DCHS2: variants seen among roughly 807,000 people sequenced by gnomAD.
DCHS2 encodes the protein dachsous cadherin-related 2, also known as protocadherin-23.
In DCHS2, 142 loss-of-function variants were observed where a neutral mutation model predicts 182.4. That is an observed-to-expected ratio of 0.78 (90% CI 0.68 to 0.89). The LOEUF (loss-of-function observed/expected upper bound fraction) is 0.89, where lower values mean the gene tolerates loss of function less well. Among genes scored for constraint, DCHS2 ranks in the 40% least tolerant of loss-of-function variants. The pLI, the probability that DCHS2 is intolerant of heterozygous loss-of-function variation, is 0.00. For synonymous variants in DCHS2, 1,740 were observed against 1,663.3 expected (o/e 1.05, Z -1.12); for missense variants, 4,319 against 4,198.6 (o/e 1.03, Z -0.79).
chr4:154,289,690 C>G (rs1734562051), intron 13 of DCHS2, among the ~76,000 whole-genome samples: 1 of 152,028 alleles, frequency 6.6e-6, no homozygotes, highest in South Asian at 2.1e-4. Flanking sequence ...AAATCCTCAA[C>G]AAAATACTAG....
Position 154,234,268 on chromosome 4 carries a change from A to AGAC in DCHS2, c.*265_*267dup. ...GTGTCCTTTGGAAGTCTAATCATAC[A>AGAC]GACAACAGGTCTGACAGAATATACA... On this transcript the variant is annotated 3_prime_UTR_variant, in exon 20 of 20. Coordinates refer to ENST00000357232, the MANE Select transcript of DCHS2 (RefSeq NM_001358235.2). The AGAC allele has an allele frequency of 3.1e-6, 1 of 320,594 alleles. No homozygotes were observed. Among genetic ancestry groups the AGAC allele is most frequent in the Middle Eastern group, 9.0e-4 (1 of 1,110 alleles). The allele number at this position is 320,594 out of a possible 1,614,324, so 19.9% of individuals were successfully genotyped here.
intron 13 of DCHS2, among the ~76,000 whole-genome samples, chr4:154,280,924 T>C (rs1200576728): frequency 6.6e-6 from 1 of 151,886 alleles, no homozygotes; most frequent in East Asian, 1.9e-4. Context: ...GCCTCCAAGG[T>C]TGAAGTGATT....
intron 3 of DCHS2, chr4:154,343,613 T>A: frequency 6.6e-7 from 1 of 1,513,052 alleles, no homozygotes. Flanking sequence ...CTTCAAATTT[T>A]TTTTCTGCAG....
At chr4:154,238,745 T>C (rs1024910687) in intron 19 of DCHS2, among the ~76,000 whole-genome samples, 2 of 152,086 alleles carry the variant, frequency 1.3e-5, no homozygotes, top group African/African-American at 4.8e-5. Flanking sequence ...CTATTACTGA[T>C]TTTTTTTAAC....
intron 12 of DCHS2, among the ~76,000 whole-genome samples, chr4:154,303,484 C>G (rs928214207): frequency 3.6e-5 from 3 of 84,414 alleles, no homozygotes; most frequent in Non-Finnish European, 7.3e-5. Context: ...GTAAGTGAAG[C>G]AAAAAAAAAA....
chr4:154,429,927 T>A (rs536321913), intron 1 of DCHS2, among the ~76,000 whole-genome samples: 3 of 152,218 alleles, frequency 2.0e-5, no homozygotes. Context: ...CTGCAAAATA[T>A]GGGTCATAAC....
At chr4:154,364,329 G>T (rs1044551068) in intron 3 of DCHS2, among the ~76,000 whole-genome samples, 6 of 152,196 alleles carry the variant, frequency 3.9e-5, no homozygotes, top group Non-Finnish European at 8.8e-5. Context: ...TGAATGACGA[G>T]TGTGTGAATG....
At chr4:154,237,898 G>C (rs1731610170) in intron 19 of DCHS2, among the ~76,000 whole-genome samples, 2 of 152,146 alleles carry the variant, frequency 1.3e-5, no homozygotes, top group Non-Finnish European at 2.9e-5. Flanking sequence ...TGAATCAATA[G>C]CTTAGTGCGT....
chr4:154,486,466 G>C (rs1210093905), intron 1 of DCHS2: 1 of 1,304,458 alleles, frequency 7.7e-7, no homozygotes, highest in African/African-American at 1.5e-5. Flanking sequence ...TGTTTTTCCT[G>C]TATTTCCTTT....
chr4:154,241,086 A>G (rs1309037204), intron 17 of DCHS2, among the ~76,000 whole-genome samples: 1 of 152,148 alleles, frequency 6.6e-6, no homozygotes, highest in Non-Finnish European at 1.5e-5. Flanking sequence ...TTTTCATTAT[A>G]TGCTTACAAC....
chr4:154,336,424 C>G lies in DCHS2; in HGVS notation c.2477-1320G>C, dbSNP rs148122628. ...CAAACTTATTAAATGAATTTGCGAA[C>G]AAATACGTATGGCTGGCCTTTATGG... On this transcript the variant is annotated intron_variant, in intron 3 of 19. Transcript: ENST00000357232. Among the ~76,000 whole-genome samples the G allele has an allele frequency of 3.0e-3, 451 of 152,240 alleles. 10 individuals are homozygous for G. Among genetic ancestry groups the G allele is most frequent in the Admixed American group, 0.028 (426 of 15,294 alleles).
At chr4:154,479,535 G>A (rs1358538664) in intron 1 of DCHS2, among the ~76,000 whole-genome samples, 1 of 152,160 alleles carries the variant, frequency 6.6e-6, no homozygotes, top group Non-Finnish European at 1.5e-5. Context: ...CACATTTAGA[G>A]AAATAATGAT....
At chr4:154,295,321 G>C (rs867843760) in intron 13 of DCHS2, among the ~76,000 whole-genome samples, 16 of 152,192 alleles carry the variant, frequency 1.1e-4, no homozygotes, top group African/African-American at 3.9e-4. Flanking sequence ...TAGATGCCTA[G>C]TTAGATAATG....
intron 17 of DCHS2, among the ~76,000 whole-genome samples, chr4:154,241,025 C>G (rs1731800984): frequency 6.6e-6 from 1 of 152,162 alleles, no homozygotes; most frequent in Non-Finnish European, 1.5e-5. Flanking sequence ...AAATTTACCA[C>G]TGAGTAGGGA....
intron 6 of DCHS2, among the ~76,000 whole-genome samples, 158 bp from the exon 7 acceptor site, chr4:154,328,350 G>A (rs1432226348): frequency 6.6e-6 from 1 of 152,134 alleles, no homozygotes; most frequent in Non-Finnish European, 1.5e-5. Flanking sequence ...TTATATGGGT[G>A]TATGTCCATG....
intron 13 of DCHS2, among the ~76,000 whole-genome samples, chr4:154,287,989 A>G (rs12508287): frequency 0.38 from 57,475 of 151,954 alleles, 11,117 homozygotes; most frequent in East Asian, 0.48. Context: ...ACTAAAACGA[A>G]GTCAGGAAGA....
At chr4:154,387,514 A>G (rs1303354218) in intron 1 of DCHS2, among the ~76,000 whole-genome samples, 1 of 152,058 alleles carries the variant, frequency 6.6e-6, no homozygotes, top group African/African-American at 2.4e-5. Context: ...CAGGATTGAT[A>G]TTAACCTCAG....
chr4:154,258,806 A>C (rs944114786), intron 15 of DCHS2, among the ~76,000 whole-genome samples: 1 of 152,194 alleles, frequency 6.6e-6, no homozygotes, highest in African/African-American at 2.4e-5. Flanking sequence ...AATAAGCATG[A>C]AGTGCTGACC....
rs1736013653 is a variant in DCHS2, at chr4:154,320,487, C to G, written c.4912G>C (p.Val1638Leu). 1.2e-6 allele frequency: 2 copies of G among 1,613,948 alleles called. No homozygotes were observed. Among genetic ancestry groups the G allele is most frequent in the African/African-American group, 2.7e-5 (2 of 74,882 alleles). ...GGATCGTGAGCAGTTATGTGGTGGA[C>G]CAAGGAGCCCACTGTGACATCCTCT... ...VKEDVTVGSLVHHITAHDPDE... is the reference protein window; with the variant it reads ...VKEDVTVGSLLHHITAHDPDE... The change falls in exon 9 of 20, where the codon GTC (valine) becomes CTC (leucine). Residue 1638 changes from valine (V) to leucine (L), a missense_variant. By Grantham distance (32) the Val-to-Leu change is conservative. Transcript: ENST00000357232.
Sources: allele counts gnomAD v4.1 joint callset (sites outside exome capture counted in the v4.1 genomes callset), GRCh38; gene constraint gnomAD v4.1.1; transcripts MANE v1.5; gene names NCBI Gene and HGNC (gene_info 2026-07-23, HGNC 2026-07-21).